Variants in PTPRD observed in about 807,000 individuals in gnomAD.
PTPRD encodes the protein protein tyrosine phosphatase receptor type D.
In PTPRD, 34 loss-of-function variants were observed where a neutral mutation model predicts 214.5. That is an observed-to-expected ratio of 0.16 (90% CI 0.12 to 0.21). PTPRD has a LOEUF of 0.21. PTPRD is among the 10% of genes least tolerant of loss of function. PTPRD has a pLI of 1.00. For synonymous variants in PTPRD, 1,128 were observed against 845.7 expected (o/e 1.33, Z -5.79); for missense variants, 2,545 against 2,398.7 (o/e 1.06, Z -1.27).
At chr9:8,473,772 C>A (rs567354921) in intron 30 of PTPRD, among the ~76,000 whole-genome samples, 5 of 152,160 alleles carry the variant, frequency 3.3e-5, no homozygotes, top group African/African-American at 1.2e-4. Flanking sequence ...CAGCCTCCCC[C>A]ACGGCAATTA....
intron 11 of PTPRD, among the ~76,000 whole-genome samples, chr9:8,943,913 A>G (rs2099048603): frequency 6.6e-6 from 1 of 152,010 alleles, no homozygotes; most frequent in Non-Finnish European, 1.5e-5. Flanking sequence ...ATCACATCAC[A>G]TTAAAAAGCT....
chr9:9,362,554 A>G (rs1424709099), intron 9 of PTPRD, among the ~76,000 whole-genome samples: 1 of 151,158 alleles, frequency 6.6e-6, no homozygotes, highest in African/African-American at 2.4e-5. Context: ...TGTGTCTTGT[A>G]TAACTTCATT....
intron 8 of PTPRD, among the ~76,000 whole-genome samples, chr9:9,510,764 C>T (rs562806689): frequency 1.3e-5 from 2 of 151,580 alleles, no homozygotes; most frequent in Admixed American, 1.3e-4. Flanking sequence ...TGATTTACCA[C>T]CTCATTATAT....
intron 9 of PTPRD, among the ~76,000 whole-genome samples, chr9:9,332,420 T>TA (rs1210153525): frequency 1.3e-5 from 2 of 151,766 alleles, no homozygotes; most frequent in Non-Finnish European, 2.9e-5. Context: ...TATCAATAAC[T>TA]AAAAAAATAA....
chr9:9,559,056 T>C (rs1222513894), intron 8 of PTPRD, among the ~76,000 whole-genome samples: 1 of 152,188 alleles, frequency 6.6e-6, no homozygotes, highest in Non-Finnish European at 1.5e-5. Context: ...TATCCATGAG[T>C]GCACCCATCC....
At chr9:8,788,640 A>G (rs1413305365) in intron 11 of PTPRD, among the ~76,000 whole-genome samples, 7 of 151,560 alleles carry the variant, frequency 4.6e-5, no homozygotes, top group Non-Finnish European at 1.0e-4. Context: ...AAAGTTATGG[A>G]GGAAAATCAA....
At chr9:8,894,285 G>A (rs901565068) in intron 11 of PTPRD, among the ~76,000 whole-genome samples, 16 of 142,878 alleles carry the variant, frequency 1.1e-4, no homozygotes, top group African/African-American at 3.8e-4. Context: ...AACCTGGGAG[G>A]CAGAGGTTTC....
intron 3 of PTPRD, among the ~76,000 whole-genome samples, chr9:10,215,146 T>C (rs1482011272): frequency 6.6e-6 from 1 of 151,788 alleles, no homozygotes; most frequent in Non-Finnish European, 1.5e-5. Context: ...TCGACAAAAA[T>C]TATGAAACAG....
intron 5 of PTPRD, among the ~76,000 whole-genome samples, chr9:9,868,285 T>C (rs1487754428): frequency 6.6e-6 from 1 of 152,152 alleles, no homozygotes; most frequent in Non-Finnish European, 1.5e-5. Context: ...GAACTTGAAG[T>C]TATAATTAAT....
intron 3 of PTPRD, among the ~76,000 whole-genome samples, chr9:10,055,103 C>A (rs1247055194): frequency 6.6e-6 from 1 of 152,090 alleles, no homozygotes; most frequent in Non-Finnish European, 1.5e-5. Context: ...AGGGCCTTCA[C>A]CAGGAATTGA....
At chr9:10,004,031 C>T (rs1267552618) in intron 4 of PTPRD, among the ~76,000 whole-genome samples, 1 of 151,802 alleles carries the variant, frequency 6.6e-6, no homozygotes, top group Non-Finnish European at 1.5e-5. Flanking sequence ...AACCCTGGTA[C>T]ACTAACAGTC....
chr9:10,012,650 T>C (rs1395235970), intron 4 of PTPRD, among the ~76,000 whole-genome samples: 2 of 151,958 alleles, frequency 1.3e-5, no homozygotes, highest in African/African-American at 2.4e-5. Context: ...AGCACTGTTA[T>C]TGGAACATGA....
intron 2 of PTPRD, among the ~76,000 whole-genome samples, chr9:10,475,098 T>C (rs2099054211): frequency 1.3e-5 from 2 of 151,872 alleles, no homozygotes; most frequent in Admixed American, 6.6e-5. Context: ...AGCAAACCAA[T>C]TCAAAAGCTA....
At chr9:9,978,682 T>A (rs1176594603) in intron 4 of PTPRD, among the ~76,000 whole-genome samples, 1 of 151,908 alleles carries the variant, frequency 6.6e-6, no homozygotes, top group Non-Finnish European at 1.5e-5. Context: ...CACAGATAGA[T>A]ATAATGACTG....
At chr9:9,342,091 G>A (rs936948952) in intron 9 of PTPRD, among the ~76,000 whole-genome samples, 3 of 152,132 alleles carry the variant, frequency 2.0e-5, no homozygotes, top group Admixed American at 6.6e-5. Context: ...TTACAGGTGT[G>A]AGCCACCACA....
At chr9:10,551,083 C>T (rs2061254551) in intron 2 of PTPRD, among the ~76,000 whole-genome samples, 1 of 152,168 alleles carries the variant, frequency 6.6e-6, no homozygotes, top group Admixed American at 6.5e-5. Context: ...CCTGTAATCG[C>T]AGTCCTTTGA....
intron 11 of PTPRD, among the ~76,000 whole-genome samples, chr9:8,865,050 G>A (rs1487197734): frequency 6.6e-6 from 1 of 152,142 alleles, no homozygotes; most frequent in African/African-American, 2.4e-5. Context: ...GATAGAAATA[G>A]GATAAAACAG....
intron 3 of PTPRD, among the ~76,000 whole-genome samples, chr9:10,255,360 A>G (rs951604167): frequency 6.6e-6 from 1 of 152,224 alleles, no homozygotes; most frequent in African/African-American, 2.4e-5. Context: ...ATAGCATGTT[A>G]ATACTGAATG....
rs181697272 is a variant in PTPRD at position 10,531,509 on chromosome 9, T to C, written c.-600+80889A>G. Among the ~76,000 whole-genome samples, 453 of 152,276 alleles carry C rather than the reference T, an allele frequency of 3.0e-3. 4 individuals carry two copies. The highest frequency in any genetic ancestry group is 4.6e-3 in the Non-Finnish European group (312 of 68,020). On this transcript the variant is annotated intron_variant, in intron 2 of 45. Transcript: ENST00000381196. Reference sequence around the variant, plus strand: ...TTAAATAATGAAGTAATATATAAACTACAATAAATATGGCACTTTACCTTG... The same window carrying C: ...TTAAATAATGAAGTAATATATAAACCACAATAAATATGGCACTTTACCTTG...
Sources: allele counts gnomAD v4.1 joint callset (sites outside exome capture counted in the v4.1 genomes callset), GRCh38; gene constraint gnomAD v4.1.1; transcripts MANE v1.5; gene names NCBI Gene and HGNC (gene_info 2026-07-23, HGNC 2026-07-21).